Variants in NRXN1 observed in about 807,000 individuals in gnomAD.
NRXN1 encodes neurexin-1.
Under a neutral mutation model 150.9 loss-of-function variants are expected in NRXN1, and 39 were observed. The observed-to-expected ratio is 0.26, with a 90% CI of 0.20 to 0.34. The LOEUF (loss-of-function observed/expected upper bound fraction) is 0.34, where lower values mean the gene tolerates loss of function less well. Ranked by LOEUF, NRXN1 falls within the 10% of genes least tolerant of loss-of-function variation. The pLI, the probability that NRXN1 is intolerant of heterozygous loss-of-function variation, is 1.00. For missense variants in NRXN1, 1,815 were observed against 1,949.9 expected (o/e 0.93, Z 1.30); for synonymous variants, 924 against 757.0 (o/e 1.22, Z -3.62).
At chr2:50,860,882 A>G (rs551848920) in intron 5 of NRXN1, among the ~76,000 whole-genome samples, 1 of 152,242 alleles carries the variant, frequency 6.6e-6, no homozygotes, top group Admixed American at 6.5e-5. Context: ...ACATACTTAT[A>G]AAGATTTTAA....
At chr2:50,173,295 G>A (rs906192241) in intron 18 of NRXN1, among the ~76,000 whole-genome samples, 3 of 152,204 alleles carry the variant, frequency 2.0e-5, no homozygotes, top group Non-Finnish European at 2.9e-5. Flanking sequence ...TAAGTCTCAT[G>A]ATGGAAAGAT....
chr2:50,562,320 A>G (rs935453907), intron 8 of NRXN1, among the ~76,000 whole-genome samples: 6 of 132,156 alleles, frequency 4.5e-5, no homozygotes, highest in Non-Finnish European at 7.8e-5. Context: ...CAAATATATG[A>G]TAGATATACG....
At chr2:49,927,754 G>A (rs1440617265) in intron 22 of NRXN1, among the ~76,000 whole-genome samples, 2 of 152,194 alleles carry the variant, frequency 1.3e-5, no homozygotes, top group African/African-American at 4.8e-5. Context: ...TCTTTCTATT[G>A]ACAAGTTCAC....
intron 8 of NRXN1, among the ~76,000 whole-genome samples, chr2:50,598,727 CATATATATGTATATATATAT>C (rs1558997326): frequency 7.1e-6 from 1 of 141,582 alleles, no homozygotes; most frequent in African/African-American, 2.6e-5. Context: ...TATATATACA[CATATATATGTATATATATAT>C]ATTTTATTTT....
intron 8 of NRXN1, among the ~76,000 whole-genome samples, chr2:50,560,231 G>A (rs903108034): frequency 1.3e-5 from 2 of 152,136 alleles, no homozygotes; most frequent in Non-Finnish European, 2.9e-5. Flanking sequence ...CTGACCAAGA[G>A]AGACTAATAG....
At chr2:50,836,838 T>A (rs1672177226) in intron 5 of NRXN1, among the ~76,000 whole-genome samples, 3 of 143,386 alleles carry the variant, frequency 2.1e-5, no homozygotes, top group Admixed American at 6.9e-5. Flanking sequence ...GCATCATAAT[T>A]GTAAAAAAAA....
chr2:50,623,424 G>A lies in NRXN1; in HGVS notation c.1024C>T (p.Leu342=). The A allele has an allele frequency of 1.2e-6, 2 of 1,613,380 alleles. No individual in the cohort carries two copies. Among genetic ancestry groups the A allele is most frequent in the Non-Finnish European group, 1.7e-6 (2 of 1,179,516 alleles). The part of the protein sequence containing the change: ...NLALKNGAVS[L]VINLGSGAFE... Reference sequence around the variant, plus strand: ...GCCCCTGATCCCAAATTAATGACCAGAGAGACAGCTCCATTTTTCAGGGCA... The same window carrying A: ...GCCCCTGATCCCAAATTAATGACCAAAGAGACAGCTCCATTTTTCAGGGCA... The change falls in exon 6 of 23, where the codon CTG becomes TTG. Residue 342 remains leucine, a synonymous_variant. Transcript: ENST00000401669.
At chr2:50,127,602 C>G (rs1166933435) in intron 18 of NRXN1, among the ~76,000 whole-genome samples, 1 of 152,116 alleles carries the variant, frequency 6.6e-6, no homozygotes, top group Non-Finnish European at 1.5e-5. Flanking sequence ...GCCTTCTTTA[C>G]TAGGTGCCTT....
chr2:50,534,145 C>A (rs2093193605), intron 10 of NRXN1, among the ~76,000 whole-genome samples: 1 of 151,298 alleles, frequency 6.6e-6, no homozygotes, highest in African/African-American at 2.4e-5. Context: ...ACACAGTGAG[C>A]TAATTTCAAT....
In NRXN1 at chr2:51,028,686, T is replaced by C. The variant is rs1330948251; in HGVS notation, c.-413A>G. 1 of 167,694 alleles carries C rather than the reference T, an allele frequency of 6.0e-6. No homozygotes were observed. The highest frequency in any genetic ancestry group is 1.3e-5 in the Non-Finnish European group (1 of 79,124). 10.4% of individuals were successfully genotyped at this position (167,694 alleles called of 1,614,324 possible). On this transcript the variant is annotated 5_prime_UTR_variant, in exon 2 of 23. Transcript: ENST00000401669. ...CCTCAAATCCCATTATCTGCCAGGT[T>C]CCACCAGTGGTACCAGGCCAAAAGG...
intron 2 of NRXN1, among the ~76,000 whole-genome samples, chr2:51,003,640 A>C (rs770225499): frequency 6.6e-6 from 1 of 151,980 alleles, no homozygotes; most frequent in Admixed American, 6.6e-5. Context: ...GATGCACTAC[A>C]TGTATGTAGC....
chr2:50,814,985 C>A (rs1668721322), intron 5 of NRXN1, among the ~76,000 whole-genome samples: 1 of 151,986 alleles, frequency 6.6e-6, no homozygotes. Flanking sequence ...ATAGAGAATT[C>A]TTAGAACTAT....
At chr2:50,567,700 C>T (rs1396471910) in intron 8 of NRXN1, among the ~76,000 whole-genome samples, 2 of 152,012 alleles carry the variant, frequency 1.3e-5, no homozygotes, top group Admixed American at 6.6e-5. Flanking sequence ...AAAACAAGTG[C>T]AAGTAACTAG....
intron 17 of NRXN1, among the ~76,000 whole-genome samples, chr2:50,305,844 A>C (rs543164446): frequency 2.0e-4 from 30 of 152,222 alleles, no homozygotes; most frequent in Admixed American, 7.9e-4. Context: ...GTAAAAAGCT[A>C]TCCCTTCTTT....
intron 2 of NRXN1, among the ~76,000 whole-genome samples, chr2:50,971,649 TAA>T (rs1201342893): frequency 1.3e-5 from 2 of 151,908 alleles, no homozygotes; most frequent in Non-Finnish European, 2.9e-5. Flanking sequence ...AGGAAATACT[TAA>T]GTTTTCCTTG....
chr2:50,312,743 CA>C, intron 17 of NRXN1: 1 of 516,868 alleles, frequency 1.9e-6, no homozygotes. Context: ...ATAGGTAAGC[CA>C]AATACATATG....
At chr2:50,760,680 A>C (rs1232402624) in intron 5 of NRXN1, among the ~76,000 whole-genome samples, 40 of 151,920 alleles carry the variant, frequency 2.6e-4, no homozygotes, top group Admixed American at 2.6e-3. Context: ...ACAGAAAAAA[A>C]AAAGTAAAAA....
At position 50,362,049 on chromosome 2, in the gene NRXN1, GC is replaced by G. The variant is rs558458366; in HGVS notation, c.3364+103392del. 3.7e-3 allele frequency among the ~76,000 whole-genome samples: 568 copies of G among 152,128 alleles called. 5 individuals carry two copies. Among genetic ancestry groups the G allele is most frequent in the African/African-American group, 0.013 (520 of 41,506 alleles). On this transcript the variant is annotated intron_variant, in intron 17 of 22. Coordinates refer to ENST00000401669, the MANE Select transcript of NRXN1 (RefSeq NM_001330078.2). ...AAAAGGCCTTCAATAAAATTCAACA[GC>G]CCTTCATGCTAAAAGCAATCAATAA...
chr2:50,941,152 C>T (rs1483169281), intron 2 of NRXN1, among the ~76,000 whole-genome samples: 1 of 152,064 alleles, frequency 6.6e-6, no homozygotes, highest in Non-Finnish European at 1.5e-5. Flanking sequence ...CCTTGCTTTC[C>T]CTTCACTTTC....
Sources: gnomAD v4.1 joint callset for allele counts (sites outside exome capture counted in the v4.1 genomes callset) on GRCh38, gnomAD v4.1.1 for gene constraint, MANE v1.5 for transcripts, NCBI Gene and HGNC (gene_info 2026-07-23, HGNC 2026-07-21) for gene names.